TRPV3: variants seen among roughly 807,000 people sequenced by gnomAD.
TRPV3 encodes VRL-3.
TRPV3 carries 88 observed loss-of-function variants against 87.1 expected under a neutral mutation model. The observed-to-expected ratio is 1.01, with a 90% CI of 0.85 to 1.21. The LOEUF is 1.21. Among genes scored for constraint, TRPV3 ranks in the 50% most tolerant of loss-of-function variants. TRPV3 has a pLI of 0.00. For synonymous variants in TRPV3, 438 were observed against 423.3 expected, an observed-to-expected ratio of 1.03 and a Z score of -0.43; for missense variants, 1,054 against 1,030.1, an observed-to-expected ratio of 1.02 and a Z score of -0.32.
intron 13 of TRPV3, among the ~76,000 whole-genome samples, chr17:3,522,765 C>T (rs948114262): frequency 1.3e-5 from 2 of 148,160 alleles, no homozygotes; most frequent in East Asian, 4.0e-4. Context: ...TGCAGTGAGC[C>T]GAGATTGCAC....
At position 3,554,759 on chromosome 17, in the gene TRPV3, G is replaced by T. The variant is rs146728389; in HGVS notation, c.92C>A (p.Pro31Gln). 9 of 1,612,528 alleles carry T rather than the reference G, an allele frequency of 5.6e-6. No homozygotes were observed. In the South Asian group the frequency reaches 8.8e-5, roughly 16 times the overall value. ...CTTCTTTGTGGGGGTGATCTCCGCC[G>T]GCCTCTTCTCTGGCAGGATGGCAGG... is the stretch of plus-strand genomic sequence containing the variant. ...GNPAILPEKR[P>Q]AEITPTKKSA... Residue 31 changes from proline to glutamine, a missense_variant, in exon 2 of 18, where the codon CCG becomes CAG. Pro to Gln is a moderately conservative substitution (Grantham distance 76). Transcript: ENST00000576742.
chr17:3,541,476 C>T (rs538856865), intron 6 of TRPV3, among the ~76,000 whole-genome samples: 1 of 152,280 alleles, frequency 6.6e-6, no homozygotes, highest in East Asian at 1.9e-4. Flanking sequence ...CCTCATAAGA[C>T]CGTAAAGCGC....
Position 3,532,797 on chromosome 17 carries a change from C to A in TRPV3, c.925G>T (p.Asp309Tyr). ...ILHALVTVAE[D>Y]FKTQNDFVKR... Reference sequence around the variant, plus strand: ...ACAAAGTCATTCTGCGTCTTGAAGTCCTCGGCCACGGTCACCAGGGCGTGA... The same window carrying A: ...ACAAAGTCATTCTGCGTCTTGAAGTACTCGGCCACGGTCACCAGGGCGTGA... Residue 309 changes from aspartate (D) to tyrosine (Y), a missense_variant, in exon 8 of 18, where the codon GAC becomes TAC. Asp to Tyr is a radical substitution (Grantham distance 160, BLOSUM62 -3). Coordinates refer to ENST00000576742, the MANE Select transcript of TRPV3 (RefSeq NM_145068.4). 2 of 1,614,250 alleles carry A rather than the reference C, an allele frequency of 1.2e-6. No homozygotes were observed. Among genetic ancestry groups the A allele is most frequent in the Non-Finnish European group, 1.7e-6 (2 of 1,180,040 alleles).
At position 3,542,626 on chromosome 17, in the gene TRPV3, T is replaced by C. The variant is rs760918773; in HGVS notation, c.539A>G (p.Asn180Ser). 1 of 1,613,866 alleles carries C rather than the reference T, an allele frequency of 6.2e-7. No individual in the cohort carries two copies. The highest frequency in any genetic ancestry group is 2.2e-5 in the East Asian group (1 of 44,848). Residue 180 changes from asparagine to serine, a missense_variant, in exon 6 of 18, where the codon AAC becomes AGC. Transcript: ENST00000576742. ...CCGCACTATCTCCTTGGTGTTGGGG[T>C]TGATGTTTAACAAGGCCTTCATCAG... The part of the protein sequence containing the change: ...TCLMKALLNI[N>S]PNTKEIVRIL...
intron 6 of TRPV3, among the ~76,000 whole-genome samples, chr17:3,542,119 G>A (rs1164042437): frequency 1.3e-5 from 2 of 152,136 alleles, no homozygotes; most frequent in African/African-American, 4.8e-5. Flanking sequence ...ACCATGCCCG[G>A]CTGATTTTTG....
At position 3,511,986 on chromosome 17, in the gene TRPV3, T is replaced by C. The variant is rs1324604408; in HGVS notation, c.*1931A>G. 6.6e-6 allele frequency: 1 copy of C among 152,232 alleles called. No individual in the cohort carries two copies. Among genetic ancestry groups the C allele is most frequent in the South Asian group, 2.1e-4 (1 of 4,836 alleles). 9.4% of individuals were successfully genotyped at this position (152,232 alleles called of 1,614,324 possible). ...CTTAATGCGGGTAGCTAACTCCAGA[T>C]GTGGAATGCTGATTTGTACAATCTC... On this transcript the variant is annotated 3_prime_UTR_variant, in exon 18 of 18. Transcript: ENST00000576742.
intron 6 of TRPV3, among the ~76,000 whole-genome samples, chr17:3,538,192 A>G (rs1313803644): frequency 2.4e-5 from 3 of 124,306 alleles, no homozygotes; most frequent in African/African-American, 5.4e-5. Context: ...CCCCGTCTCA[A>G]AAAAAAAATA....
At chr17:3,534,823 C>G (rs560645291) in intron 7 of TRPV3, among the ~76,000 whole-genome samples, 1 of 152,222 alleles carries the variant, frequency 6.6e-6, no homozygotes, top group South Asian at 2.1e-4. Context: ...CCCTGCTACC[C>G]TGGGGCAAGT....
chr17:3,521,143 T>A, intron 13 of TRPV3, 104 bp from the exon 14 acceptor site: 1 of 457,424 alleles, frequency 2.2e-6, no homozygotes, highest in Non-Finnish European at 4.0e-6. Context: ...CCTAACTGTC[T>A]CTTCACTTGG....
intron 16 of TRPV3, among the ~76,000 whole-genome samples, chr17:3,515,532 A>G (rs567558505): frequency 3.3e-5 from 5 of 152,204 alleles, no homozygotes; most frequent in African/African-American, 9.6e-5. Flanking sequence ...GTGGTGGCAT[A>G]TGCCTGCAGT....
chr17:3,554,889 G>C, intron 1 of TRPV3, 37 bp from the exon 2 acceptor site: 1 of 1,462,058 alleles, frequency 6.8e-7, no homozygotes, highest in Non-Finnish European at 9.4e-7. Flanking sequence ...TCAGGCCGGG[G>C]GGACAGGGGG....
At chr17:3,526,980 G>T (rs2074306027) in intron 11 of TRPV3, 53 bp from the exon 12 acceptor site, 1 of 1,436,530 alleles carries the variant, frequency 7.0e-7, no homozygotes, top group Non-Finnish European at 9.7e-7. Context: ...CCTCAGCAGG[G>T]GAGCTGAGCA....
chr17:3,551,992 C>T (rs1049297269), intron 2 of TRPV3, among the ~76,000 whole-genome samples: 1 of 138,110 alleles, frequency 7.2e-6, no homozygotes, highest in Non-Finnish European at 1.5e-5. Flanking sequence ...AAGCAATTCT[C>T]CTGCCTCAGC....
Position 3,519,422 on chromosome 17 carries a change from T to TTGGATGGATGGA in TRPV3, c.1811-584_1811-573dup, listed in dbSNP as rs59693032. On this transcript the variant is annotated intron_variant, in intron 14 of 17. Coordinates refer to ENST00000576742, the MANE Select transcript of TRPV3 (RefSeq NM_145068.4). ...GATGGATGGATGGATGGATGGATGA[T>TTGGATGGATGGA]TGGATGGATGGATGGATGGATGGAT... is the stretch of plus-strand genomic sequence containing the variant. Among the ~76,000 whole-genome samples the TTGGATGGATGGA allele has an allele frequency of 9.2e-3, 1,021 of 111,254 alleles. 26 individuals carry two copies. The highest frequency in any genetic ancestry group is 0.029 in the African/African-American group (800 of 27,942). The allele number at this position is 111,254 out of a possible 152,430, so 73.0% of individuals were successfully genotyped here.
At chr17:3,538,741 C>T (rs772630413) in intron 6 of TRPV3, among the ~76,000 whole-genome samples, 5 of 152,078 alleles carry the variant, frequency 3.3e-5, no homozygotes, top group African/African-American at 7.2e-5. Context: ...TGCCCCACCA[C>T]GCCCTACTAG....
rs1313377468 is a variant in TRPV3, at chr17:3,556,317, G to A, written c.-3+1359C>T. Among the ~76,000 whole-genome samples, 1 of 151,904 alleles carries A rather than the reference G, an allele frequency of 6.6e-6. No homozygotes were observed. The highest frequency in any genetic ancestry group is 1.5e-5 in the Non-Finnish European group (1 of 67,972). On this transcript the variant is annotated intron_variant, in intron 1 of 17. Coordinates refer to ENST00000576742, the MANE Select transcript of TRPV3 (RefSeq NM_145068.4). This position sits in a 1 kb window ranked among gnomAD's most constrained non-coding sequence, Gnocchi z 4.2. ...GCGCGGGCTGCGTTGGGGGGTGGGG[G>A]AGACCAGAAGCCAGGGGCCAGGAGG...
At chr17:3,549,529 G>A (rs1427377185) in intron 2 of TRPV3, among the ~76,000 whole-genome samples, 1 of 152,242 alleles carries the variant, frequency 6.6e-6, no homozygotes, top group Non-Finnish European at 1.5e-5. Context: ...CAGTGAATGA[G>A]TGGGAGGATA....
intron 5 of TRPV3, 133 bp from the exon 6 acceptor site, chr17:3,542,831 T>G (rs922585516): frequency 1.1e-6 from 1 of 899,268 alleles, no homozygotes; most frequent in East Asian, 2.7e-5. Context: ...GACCTTACAC[T>G]TGGCCGCTCT....
At position 3,525,311 on chromosome 17, in the gene TRPV3, C is replaced by T. The variant is rs369321342; in HGVS notation, c.1578-948G>A. On this transcript the variant is annotated intron_variant, in intron 12 of 17. Transcript: ENST00000576742. Reference sequence around the variant, plus strand: ...CTGGGATTACAGGCGTGAGCCAACGCGCCCAGCATTAAATCTTTTTAAAGT... The same window carrying T: ...CTGGGATTACAGGCGTGAGCCAACGTGCCCAGCATTAAATCTTTTTAAAGT... 1.6e-4 allele frequency among the ~76,000 whole-genome samples: 24 copies of T among 152,194 alleles called. No homozygotes were observed. The East Asian group carries it at 1.7e-3, about 11-fold the overall frequency.
Sources: allele counts gnomAD v4.1 joint callset (sites outside exome capture counted in the v4.1 genomes callset), GRCh38; gene constraint gnomAD v4.1.1; non-coding constraint Gnocchi (gnomAD v3.1); transcripts MANE v1.5; gene names NCBI Gene and HGNC (gene_info 2026-07-23, HGNC 2026-07-21).